The following TNNI3K variants were observed in gnomAD, a reference collection of about 807,000 sequenced individuals.
The protein encoded by TNNI3K is serine/threonine-protein kinase TNNI3K.
Under a neutral mutation model 114.5 loss-of-function variants are expected in TNNI3K, and 140 were observed. That is an observed-to-expected ratio of 1.22 (90% confidence interval 1.07 to 1.41). TNNI3K has a LOEUF of 1.41. Ranked by LOEUF, TNNI3K falls within the 40% of genes most tolerant of loss-of-function variation. The pLI is 0.00. For missense variants in TNNI3K, 1,125 were observed against 1,007.6 expected (o/e 1.12, Z -1.58); for synonymous variants, 347 against 347.5 (o/e 1.00, Z 0.02).
At chr1:74,426,981 A>G (rs2100646549) in intron 17 of TNNI3K, among the ~76,000 whole-genome samples, 1 of 152,230 alleles carries the variant, frequency 6.6e-6, no homozygotes, top group African/African-American at 2.4e-5. Flanking sequence ...CCTTGGGAGG[A>G]AAAACAGCTC....
chr1:74,497,509 A>T (rs968914113), intron 23 of TNNI3K, among the ~76,000 whole-genome samples: 2 of 151,736 alleles, frequency 1.3e-5, no homozygotes, highest in African/African-American at 4.8e-5. Flanking sequence ...TCCTCTTTCC[A>T]TGGGTCTTCT....
intron 5 of TNNI3K, among the ~76,000 whole-genome samples, chr1:74,283,107 A>G (rs1657112516): frequency 6.6e-6 from 1 of 152,174 alleles, no homozygotes; most frequent in Non-Finnish European, 1.5e-5. Flanking sequence ...CCTTCATTTT[A>G]AACAGTTAAG....
At chr1:74,531,489 A>G (rs1646582838) in intron 23 of TNNI3K, among the ~76,000 whole-genome samples, 1 of 152,204 alleles carries the variant, frequency 6.6e-6, no homozygotes, top group African/African-American at 2.4e-5. Flanking sequence ...GGTGGGCTGC[A>G]TGGGAAGACA....
intron 5 of TNNI3K, among the ~76,000 whole-genome samples, chr1:74,284,933 A>T (rs140659589): frequency 6.6e-6 from 1 of 152,366 alleles, no homozygotes; most frequent in East Asian, 1.9e-4. Flanking sequence ...TTTTTTTCTC[A>T]TAATTTGTCC....
intron 22 of TNNI3K, among the ~76,000 whole-genome samples, chr1:74,491,358 T>TAC (rs1307352486): frequency 6.6e-6 from 1 of 152,216 alleles, no homozygotes; most frequent in Non-Finnish European, 1.5e-5. Flanking sequence ...TAGCTGGGAC[T>TAC]ACAGGTGCGT....
At chr1:74,456,784 T>G (rs1369656153) in intron 20 of TNNI3K, among the ~76,000 whole-genome samples, 1 of 152,148 alleles carries the variant, frequency 6.6e-6, no homozygotes, top group African/African-American at 2.4e-5. Flanking sequence ...ATCTGCCAAT[T>G]TTTTCTAGGC....
Position 74,439,545 on chromosome 1 carries a change from A to G in TNNI3K, c.1934A>G (p.Lys645Arg). 1 of 1,613,588 alleles carries G rather than the reference A, an allele frequency of 6.2e-7. No individual in the cohort carries two copies. Among genetic ancestry groups the G allele is most frequent in the African/African-American group, 1.3e-5 (1 of 75,004 alleles). Residue 645 changes from lysine to arginine, a missense_variant, in exon 20 of 25, where the codon AAA becomes AGA. Transcript: ENST00000326637. ...ACGCAGTGCACTCGGTACACCATCA[A>G]AGCAGATGTCTTCAGCTATGCTCTG... ...VFTQCTRYTI[K>R]ADVFSYALCL...
intron 5 of TNNI3K, among the ~76,000 whole-genome samples, chr1:74,320,281 C>G (rs1239584123): frequency 6.6e-6 from 1 of 152,084 alleles, no homozygotes; most frequent in Admixed American, 6.5e-5. Flanking sequence ...TAAACTCTTC[C>G]TCAGAAAGAA....
At chr1:74,539,974 G>A (rs972356438) in intron 23 of TNNI3K, among the ~76,000 whole-genome samples, 12 of 152,060 alleles carry the variant, frequency 7.9e-5, no homozygotes, top group Non-Finnish European at 1.5e-5. Flanking sequence ...TAAATAAACT[G>A]AGGCTCAGAA....
chr1:74,486,246 C>T (rs905329654), intron 21 of TNNI3K, among the ~76,000 whole-genome samples: 22 of 93,180 alleles, frequency 2.4e-4, no homozygotes, highest in African/African-American at 6.8e-4. Context: ...GGGAAATATA[C>T]TAGTTCCTTT....
intron 22 of TNNI3K, among the ~76,000 whole-genome samples, 153 bp downstream of exon 22, chr1:74,489,401 A>T (rs1668932581): frequency 6.6e-6 from 1 of 152,184 alleles, no homozygotes; most frequent in African/African-American, 2.4e-5. Flanking sequence ...CCTATGGTGG[A>T]GCAGAATTAG....
chr1:74,469,813 G>A (rs1667835574), intron 21 of TNNI3K: 1 of 399,210 alleles, frequency 2.5e-6, no homozygotes, highest in African/African-American at 2.1e-5. Context: ...AAGGCTAGTG[G>A]GTGTTTGTCC....
chr1:74,465,073 T>C, intron 21 of TNNI3K: 1 of 942,784 alleles, frequency 1.1e-6, no homozygotes, highest in South Asian at 4.3e-5. Context: ...GCACCTATTC[T>C]AGAATTTCCT....
At chr1:74,268,152 A>G (rs1015416172) in intron 4 of TNNI3K, among the ~76,000 whole-genome samples, 1 of 151,552 alleles carries the variant, frequency 6.6e-6, no homozygotes, top group Admixed American at 6.6e-5. Context: ...CACTTGCCTT[A>G]TTGTGTTTTT....
intron 4 of TNNI3K, among the ~76,000 whole-genome samples, chr1:74,268,699 AG>A (rs1186672145): frequency 3.2e-4 from 48 of 152,000 alleles, no homozygotes; most frequent in African/African-American, 1.2e-3. Flanking sequence ...GAACTGCTCC[AG>A]TGCACATAGT....
At chr1:74,283,363 C>T (rs1657131157) in intron 5 of TNNI3K, among the ~76,000 whole-genome samples, 1 of 152,128 alleles carries the variant, frequency 6.6e-6, no homozygotes, top group Non-Finnish European at 1.5e-5. Flanking sequence ...GTATTATTAT[C>T]AGTTATTTTA....
At chr1:74,452,971 A>C (rs1278444463) in intron 20 of TNNI3K, among the ~76,000 whole-genome samples, 1 of 152,188 alleles carries the variant, frequency 6.6e-6, no homozygotes, top group Non-Finnish European at 1.5e-5. Flanking sequence ...GTCTAAATAT[A>C]ATTTCTTTCC....
chr1:74,249,796 A>G (rs1654817359), intron 3 of TNNI3K, among the ~76,000 whole-genome samples: 1 of 152,172 alleles, frequency 6.6e-6, no homozygotes, highest in Non-Finnish European at 1.5e-5. Context: ...TGGAAATCAA[A>G]AAGCACTTTT....
At chr1:74,535,268 G>C (rs997300719) in intron 23 of TNNI3K, among the ~76,000 whole-genome samples, 2 of 151,992 alleles carry the variant, frequency 1.3e-5, no homozygotes, top group Non-Finnish European at 2.9e-5. Context: ...ACAGGAGTTC[G>C]ACACCAGCCT....
Sources: gnomAD v4.1 joint callset for allele counts (sites outside exome capture counted in the v4.1 genomes callset) on GRCh38, gnomAD v4.1.1 for gene constraint, MANE v1.5 for transcripts, NCBI Gene and HGNC (gene_info 2026-07-23, HGNC 2026-07-21) for gene names.